Variants in SH3BP5 observed in about 807,000 individuals in gnomAD.
SH3BP5 encodes SH3 domain-binding protein 5.
In SH3BP5, 22 loss-of-function variants were observed where a neutral mutation model predicts 43.3. The observed-to-expected ratio is 0.51, with a 90% CI of 0.36 to 0.73. The LOEUF (loss-of-function observed/expected upper bound fraction) is 0.73, where lower values mean the gene tolerates loss of function less well. SH3BP5 is among the 30% of genes least tolerant of loss of function. SH3BP5 has a pLI of 0.00. For missense variants in SH3BP5, 529 were observed against 586.9 expected, an observed-to-expected ratio of 0.90 and a Z score of 1.02; for synonymous variants, 255 against 225.8, an observed-to-expected ratio of 1.13 and a Z score of -1.16.
At chr3:15,293,126 C>T (rs754757927) in intron 3 of SH3BP5, among the ~76,000 whole-genome samples, 2 of 152,236 alleles carry the variant, frequency 1.3e-5, no homozygotes, top group African/African-American at 4.8e-5. Context: ...ATCTTTCAGG[C>T]GAAGGAGAGT....
At chr3:15,268,051 A>G (rs1456207817) in intron 4 of SH3BP5, among the ~76,000 whole-genome samples, 1 of 151,812 alleles carries the variant, frequency 6.6e-6, no homozygotes, top group African/African-American at 2.4e-5. Flanking sequence ...CACCCCTTCC[A>G]TTTTTCTCGA....
At chr3:15,315,865 G>C (rs1220880341) in intron 2 of SH3BP5, among the ~76,000 whole-genome samples, 1 of 152,146 alleles carries the variant, frequency 6.6e-6, no homozygotes, top group Non-Finnish European at 1.5e-5. Context: ...ATGAGGGAAA[G>C]ATGCAGACAC....
At chr3:15,279,248 G>A (rs945631782) in intron 3 of SH3BP5, among the ~76,000 whole-genome samples, 1 of 152,088 alleles carries the variant, frequency 6.6e-6, no homozygotes, top group Non-Finnish European at 1.5e-5. Flanking sequence ...GGTCCCAAAG[G>A]TTACCATGTA....
At chr3:15,287,274 C>T (rs570384220) in intron 3 of SH3BP5, among the ~76,000 whole-genome samples, 9 of 152,312 alleles carry the variant, frequency 5.9e-5, no homozygotes, top group South Asian at 4.1e-4. Flanking sequence ...TTTAAAGGGA[C>T]GCAACATATA....
rs571693138 is a variant in SH3BP5 at position 15,296,339 on chromosome 3, T to TACACAC, written c.330+7763_330+7764insGTGTGT. Among the ~76,000 whole-genome samples, 59 of 126,560 alleles carry TACACAC rather than the reference T, an allele frequency of 4.7e-4. 1 individual carries two copies. The highest frequency in any genetic ancestry group is 2.0e-3 in the African/African-American group (47 of 23,196). The allele number at this position is 126,560 out of a possible 152,430, so 83.0% of individuals were successfully genotyped here. ...CTCCATACCTCAAATGGGGAAATCA[T>TACACAC]ATACACACACACACACACACACACA... On this transcript the variant is annotated intron_variant, in intron 3 of 8. Transcript: ENST00000383791.
At chr3:15,265,990 C>T (rs1020941161) in intron 4 of SH3BP5, among the ~76,000 whole-genome samples, 7 of 152,166 alleles carry the variant, frequency 4.6e-5, no homozygotes, top group African/African-American at 1.2e-4. Context: ...ATGGCCCAAC[C>T]GGCTTAGTAG....
chr3:15,337,774 G>T (rs978641477), intron 1 of SH3BP5, among the ~76,000 whole-genome samples: 1 of 151,704 alleles, frequency 6.6e-6, no homozygotes, highest in Non-Finnish European at 1.5e-5. Context: ...AATTAGCGGA[G>T]TGTGGTGGTG....
intron 1 of SH3BP5, among the ~76,000 whole-genome samples, chr3:15,337,778 G>T (rs1306715316): frequency 1.3e-5 from 2 of 151,688 alleles, no homozygotes; most frequent in Non-Finnish European, 2.9e-5. Context: ...AGCGGAGTGT[G>T]GTGGTGTGTA....
chr3:15,280,950 C>A (rs1198267401), intron 3 of SH3BP5, among the ~76,000 whole-genome samples: 1 of 152,208 alleles, frequency 6.6e-6, no homozygotes, highest in Non-Finnish European at 1.5e-5. Flanking sequence ...CATTGCCTGA[C>A]ATTGTGAGGG....
chr3:15,257,221 T>C, intron 7 of SH3BP5, 108 bp from the exon 8 acceptor site: 1 of 1,152,956 alleles, frequency 8.7e-7, no homozygotes, highest in Admixed American at 2.2e-5. Flanking sequence ...CTAAAGAGTC[T>C]CTACCTCTGT....
intron 3 of SH3BP5, among the ~76,000 whole-genome samples, chr3:15,293,050 C>A (rs910103400): frequency 6.6e-6 from 1 of 152,228 alleles, no homozygotes. Context: ...ATTCAAGATT[C>A]CAAGTTTCCA....
chr3:15,309,160 C>G (rs975425286), intron 2 of SH3BP5, among the ~76,000 whole-genome samples: 1 of 152,054 alleles, frequency 6.6e-6, no homozygotes, highest in Non-Finnish European at 1.5e-5. Flanking sequence ...AGTAGTCACA[C>G]AATACATACT....
In SH3BP5 at chr3:15,310,350, C is replaced by T. The variant is rs548311054; in HGVS notation, c.202-6119G>A. On this transcript the variant is annotated intron_variant, in intron 2 of 8. Coordinates refer to ENST00000383791, the MANE Select transcript of SH3BP5 (RefSeq NM_004844.5). ...GGAGCAGAGTCTGTGGAATTTAGTTCAACCTAGCTTTTATAAAGCATTTCT... is the reference window on the plus strand; with the variant it reads ...GGAGCAGAGTCTGTGGAATTTAGTTTAACCTAGCTTTTATAAAGCATTTCT... Among the ~76,000 whole-genome samples, 3 of 152,332 alleles carry T rather than the reference C, an allele frequency of 2.0e-5. No individual in the cohort carries two copies. The East Asian group carries it at 5.8e-4, about 29-fold the overall frequency.
At chr3:15,277,450 C>T (rs778084562) in intron 3 of SH3BP5, among the ~76,000 whole-genome samples, 65 of 152,206 alleles carry the variant, frequency 4.3e-4, no homozygotes, top group Middle Eastern at 3.4e-3. Flanking sequence ...AGACCGCCAA[C>T]GAGGAGCAGA....
chr3:15,317,331 T>A (rs961153815), intron 2 of SH3BP5, among the ~76,000 whole-genome samples: 1 of 152,206 alleles, frequency 6.6e-6, no homozygotes, highest in Non-Finnish European at 1.5e-5. Context: ...CACCACAGCA[T>A]TCCAGGCAGG....
intron 2 of SH3BP5, among the ~76,000 whole-genome samples, chr3:15,310,253 G>A (rs907779321): frequency 1.3e-5 from 2 of 152,218 alleles, no homozygotes; most frequent in Non-Finnish European, 2.9e-5. Flanking sequence ...AGGATGGAAT[G>A]AAAGCCTGCA....
intron 2 of SH3BP5, among the ~76,000 whole-genome samples, chr3:15,309,847 A>C (rs552434850): frequency 1.3e-5 from 2 of 152,134 alleles, no homozygotes; most frequent in East Asian, 3.9e-4. Flanking sequence ...CCAACCACCA[A>C]CAAGCCTATT....
At chr3:15,298,606 G>A (rs1431532861) in intron 3 of SH3BP5, among the ~76,000 whole-genome samples, 1 of 152,190 alleles carries the variant, frequency 6.6e-6, no homozygotes, top group Non-Finnish European at 1.5e-5. Context: ...ATAAAACGTG[G>A]TATATACATT....
chr3:15,259,517 A>G (rs1033749902), intron 6 of SH3BP5: 1 of 597,010 alleles, frequency 1.7e-6, no homozygotes, highest in South Asian at 1.9e-5. Context: ...TGCTGGTCCT[A>G]AGAGCATGCT....
Sources: allele counts gnomAD v4.1 joint callset (sites outside exome capture counted in the v4.1 genomes callset), GRCh38; gene constraint gnomAD v4.1.1; transcripts MANE v1.5; gene names NCBI Gene and HGNC (gene_info 2026-07-23, HGNC 2026-07-21).